Variants in DMRT3 observed in about 807,000 individuals in gnomAD.
DMRT3 encodes doublesex and mab-3 related transcription factor 3.
A neutral mutation model predicts 34.9 loss-of-function variants in DMRT3; 29 were observed. That is an observed-to-expected ratio of 0.83 (90% CI 0.62 to 1.13). The LOEUF (loss-of-function observed/expected upper bound fraction) is 1.13. DMRT3 is among the 50% of genes most tolerant of loss of function. DMRT3 has a pLI of 0.00. For synonymous variants in DMRT3, 350 were observed against 286.0 expected (o/e 1.22, Z -2.26); for missense variants, 772 against 629.1 (o/e 1.23, Z -2.43).
chr9:989,238 G>A (rs751245525), intron 1 of DMRT3, among the ~76,000 whole-genome samples: 6 of 152,236 alleles, frequency 3.9e-5, no homozygotes, highest in Non-Finnish European at 7.3e-5. Flanking sequence ...CCGTGGCGGT[G>A]GAGTGTGATG....
chr9:976,839 C>A lies in DMRT3; in HGVS notation c.-163C>A. The A allele has an allele frequency of 3.3e-6, 2 of 610,728 alleles. No individual in the cohort carries two copies. Among genetic ancestry groups the A allele is most frequent in the Non-Finnish European group, 4.9e-6 (2 of 406,666 alleles). 37.8% of individuals were successfully genotyped at this position (610,728 alleles called of 1,614,324 possible). On this transcript the variant is annotated 5_prime_UTR_variant, in exon 1 of 2. Coordinates refer to ENST00000190165, the MANE Select transcript of DMRT3 (RefSeq NM_021240.4). This position sits in a 1 kb window ranked among gnomAD's most constrained non-coding sequence, Gnocchi z 4.5. Reference sequence around the variant, plus strand: ...GCGAAGGGAGCTGGAGAGACGACTGCGGCACCTCCGGCCGCCCCGGAGCAC... The same window carrying A: ...GCGAAGGGAGCTGGAGAGACGACTGAGGCACCTCCGGCCGCCCCGGAGCAC...
chr9:990,410 G>A lies in DMRT3; in HGVS notation c.824G>A (p.Gly275Asp), dbSNP rs1345317835. The change falls in exon 2 of 2, where the codon GGC becomes GAC. Residue 275 changes from glycine (G) to aspartate (D), a missense_variant. Gly to Asp is a moderately conservative substitution (Grantham distance 94, BLOSUM62 -1). Coordinates refer to ENST00000190165, the MANE Select transcript of DMRT3 (RefSeq NM_021240.4). ...CTTGAGCTCATCCTCAAGGGCTGTG[G>A]CGGGGACCTGGTGAGCGCCGTGGAA... ...TVLELILKGC[G>D]GDLVSAVEVL... The A allele has an allele frequency of 2.5e-6, 4 of 1,614,078 alleles. No individual in the cohort carries two copies. Among genetic ancestry groups the A allele is most frequent in the Admixed American group, 1.7e-5 (1 of 60,016 alleles).
At chr9:979,054 G>C (rs996147391) in intron 1 of DMRT3, among the ~76,000 whole-genome samples, 1 of 152,034 alleles carries the variant, frequency 6.6e-6, no homozygotes, top group Non-Finnish European at 1.5e-5. Flanking sequence ...CTCTGGTTCC[G>C]TTTCCCCCAG....
intron 1 of DMRT3, among the ~76,000 whole-genome samples, chr9:978,245 C>G (rs1430107332): frequency 6.6e-6 from 1 of 152,138 alleles, no homozygotes; most frequent in East Asian, 1.9e-4. Context: ...AATCTGATCC[C>G]CCACCACCCA....
intron 1 of DMRT3, among the ~76,000 whole-genome samples, chr9:989,283 C>G (rs1205179312): frequency 6.6e-6 from 1 of 152,212 alleles, no homozygotes; most frequent in Non-Finnish European, 1.5e-5. Flanking sequence ...TGCCCCCGTG[C>G]AATTTAACAA....
chr9:977,912 A>G (rs1586681549), intron 1 of DMRT3, among the ~76,000 whole-genome samples: 1 of 145,858 alleles, frequency 6.9e-6, no homozygotes, highest in South Asian at 2.2e-4. Flanking sequence ...AGCCAAGGCC[A>G]ACACTCGGCT....
In DMRT3 at chr9:976,707, C is replaced by G. The variant is rs1339220928; in HGVS notation, c.-295C>G. On this transcript the variant is annotated 5_prime_UTR_variant, in exon 1 of 2. Coordinates refer to ENST00000190165, the MANE Select transcript of DMRT3 (RefSeq NM_021240.4). The surrounding 1 kb of genome is among the most constrained non-coding windows in gnomAD (Gnocchi z 4.5). The stretch of plus-strand genomic sequence containing the variant: ...AGAGCTGTCGCCGGCTCCTTGCAGC[C>G]GCCGCAGCGCCTCCGCGAAGGAGGA... 1.3e-5 allele frequency among the ~76,000 whole-genome samples: 2 copies of G among 152,208 alleles called. No homozygotes were observed. Among genetic ancestry groups the G allele is most frequent in the Non-Finnish European group, 2.9e-5 (2 of 68,036 alleles).
chr9:978,885 A>G (rs1820183396), intron 1 of DMRT3, among the ~76,000 whole-genome samples: 1 of 152,134 alleles, frequency 6.6e-6, no homozygotes, highest in African/African-American at 2.4e-5. Flanking sequence ...TCATCTTTTT[A>G]TATTTATGGA....
At position 991,112 on chromosome 9, in the gene DMRT3, A is replaced by G. The variant is rs890935662; in HGVS notation, c.*107A>G. On this transcript the variant is annotated 3_prime_UTR_variant, in exon 2 of 2. Transcript: ENST00000190165. ...TGTATGCCCTTTCCTTCTGTTTGAC[A>G]AAGTGACTGTGCTTGATTCTATACA... 2.8e-6 allele frequency: 4 copies of G among 1,422,128 alleles called. No individual in the cohort carries two copies. Among genetic ancestry groups the G allele is most frequent in the Non-Finnish European group, 3.8e-6 (4 of 1,056,176 alleles). The allele number at this position is 1,422,128 out of a possible 1,614,324, so 88.1% of individuals were successfully genotyped here.
intron 1 of DMRT3, among the ~76,000 whole-genome samples, chr9:986,983 AAAT>A (rs921201451): frequency 2.6e-5 from 4 of 152,070 alleles, no homozygotes; most frequent in Non-Finnish European, 5.9e-5. Context: ...TTGCTTAAAA[AAAT>A]CTCTTCATTC....
In DMRT3 at chr9:976,883, C is replaced by G. The variant is rs1820154074; in HGVS notation, c.-119C>G. ...GGAGCACACACGACCACCGGGGCTG[C>G]GGGACCAAGGGCCGCGTCGCCCGGA... On this transcript the variant is annotated 5_prime_UTR_variant, in exon 1 of 2. Transcript: ENST00000190165. The surrounding 1 kb of genome is among the most constrained non-coding windows in gnomAD (Gnocchi z 4.5). 1 of 1,131,844 alleles carries G rather than the reference C, an allele frequency of 8.8e-7. No homozygotes were observed. Among genetic ancestry groups the G allele is most frequent in the African/African-American group, 1.6e-5 (1 of 60,738 alleles). The allele number at this position is 1,131,844 out of a possible 1,614,324, so 70.1% of individuals were successfully genotyped here. A position where few individuals can be genotyped will look rare whatever the true frequency, so the allele number is the denominator to read the frequency against.
intron 1 of DMRT3, among the ~76,000 whole-genome samples, chr9:982,076 A>G (rs1267361597): frequency 6.6e-6 from 1 of 152,188 alleles, no homozygotes; most frequent in Non-Finnish European, 1.5e-5. Flanking sequence ...TTCTCTAGAA[A>G]GCCTTCTTTG....
intron 1 of DMRT3, among the ~76,000 whole-genome samples, chr9:985,351 G>A (rs375652812): frequency 6.9e-4 from 105 of 152,222 alleles, no homozygotes; most frequent in African/African-American, 2.4e-3. Flanking sequence ...AGGAATTAGG[G>A]TTTCAGTTTC....
intron 1 of DMRT3, among the ~76,000 whole-genome samples, chr9:979,534 C>A (rs953646282): frequency 7.2e-5 from 11 of 152,176 alleles, no homozygotes; most frequent in Non-Finnish European, 1.5e-4. Context: ...CCCACCCCCC[C>A]ATACCTTGTA....
intron 1 of DMRT3, 77 bp downstream of exon 1, chr9:977,532 A>C (rs1443402011): frequency 1.4e-5 from 16 of 1,177,560 alleles, no homozygotes; most frequent in Non-Finnish European, 1.7e-5. Context: ...TCCACTTGGG[A>C]GGACTGGAGG....
Position 990,590 on chromosome 9 carries a change from G to C in DMRT3, c.1004G>C (p.Arg335Pro), listed in dbSNP as rs935409657. The change falls in exon 2 of 2, where the codon CGA (arginine) becomes CCA (proline). Residue 335 changes from arginine to proline, a missense_variant. Transcript: ENST00000190165. ...AAATGGTCTGTGGGATCAGCCTTTC[G>C]AGTCCCAGACACGTTGAGGTTTTCT... ...SSKWSVGSAF[R>P]VPDTLRFSAD... 4 of 1,613,946 alleles carry C rather than the reference G, an allele frequency of 2.5e-6. No homozygotes were observed. The African/African-American group carries it at 4.0e-5, about 16-fold the overall frequency.
intron 1 of DMRT3, among the ~76,000 whole-genome samples, chr9:985,713 G>A (rs1820275197): frequency 6.6e-6 from 1 of 152,182 alleles, no homozygotes; most frequent in Non-Finnish European, 1.5e-5. Context: ...ATTGTTTGGT[G>A]AGGAGTTATT....
intron 1 of DMRT3, among the ~76,000 whole-genome samples, chr9:988,245 ATATTT>A (rs1440786523): frequency 1.3e-5 from 2 of 150,790 alleles, no homozygotes; most frequent in Admixed American, 1.3e-4. Context: ...TGGAAACCTT[ATATTT>A]TATATTAAAA....
chr9:990,582 A>G lies in DMRT3; in HGVS notation c.996A>G (p.Ser332=). The change falls in exon 2 of 2, where the codon TCA becomes TCG. Residue 332 remains serine (S), a synonymous_variant. Transcript: ENST00000190165. ...PISSSKWSVG[S]AFRVPDTLRF... is the part of the protein sequence containing the mutation. ...CGTCTTCCAAATGGTCTGTGGGATC[A>G]GCCTTTCGAGTCCCAGACACGTTGA... 1 of 1,614,134 alleles carries G rather than the reference A, an allele frequency of 6.2e-7. No homozygotes were observed. Among genetic ancestry groups the G allele is most frequent in the Non-Finnish European group, 8.5e-7 (1 of 1,180,030 alleles).
Sources: gnomAD v4.1 joint callset for allele counts (sites outside exome capture counted in the v4.1 genomes callset) on GRCh38, gnomAD v4.1.1 for gene constraint, Gnocchi (gnomAD v3.1) non-coding constraint, MANE v1.5 for transcripts, NCBI Gene and HGNC (gene_info 2026-07-23, HGNC 2026-07-21) for gene names.